Variants in TTC7B observed in about 807,000 individuals in gnomAD.
The protein encoded by TTC7B is tetratricopeptide repeat domain 7B, also known as tetratricopeptide repeat protein 7B.
A neutral mutation model predicts 106.8 loss-of-function variants in TTC7B; 28 were observed. That is an observed-to-expected ratio of 0.26 (90% CI 0.19 to 0.36). The LOEUF (loss-of-function observed/expected upper bound fraction) is 0.36, where lower values mean the gene tolerates loss of function less well. TTC7B is among the 10% of genes least tolerant of loss of function. The probability of loss-of-function intolerance (pLI) is 1.00; values close to 1 mark genes in which losing one functional copy is unlikely to be tolerated. For missense variants in TTC7B, 862 were observed against 1,076.4 expected, an observed-to-expected ratio of 0.80 and a Z score of 2.79; for synonymous variants, 405 against 430.6, an observed-to-expected ratio of 0.94 and a Z score of 0.74.
chr14:90,621,212 A>G (rs1299216453), intron 15 of TTC7B, among the ~76,000 whole-genome samples: 2 of 151,790 alleles, frequency 1.3e-5, no homozygotes, highest in Non-Finnish European at 2.9e-5. Context: ...TATGGCTGGG[A>G]CGATGGGCAG....
chr14:90,621,494 G>A (rs1198229015), intron 15 of TTC7B, among the ~76,000 whole-genome samples: 1 of 151,966 alleles, frequency 6.6e-6, no homozygotes, highest in Non-Finnish European at 1.5e-5. Context: ...TGGAATTATA[G>A]GCAGAAGCCA....
chr14:90,651,853 T>A (rs1885732344), intron 13 of TTC7B, among the ~76,000 whole-genome samples: 1 of 152,084 alleles, frequency 6.6e-6, no homozygotes. Flanking sequence ...CCATGATAAA[T>A]CAGTAGGCAG....
intron 3 of TTC7B, among the ~76,000 whole-genome samples, chr14:90,753,438 G>C (rs1890194231): frequency 6.6e-6 from 1 of 152,226 alleles, no homozygotes; most frequent in African/African-American, 2.4e-5. Flanking sequence ...AGATTCAAGA[G>C]ACACAAAGCA....
chr14:90,762,386 T>C (rs537663561), intron 3 of TTC7B, among the ~76,000 whole-genome samples: 2 of 152,334 alleles, frequency 1.3e-5, no homozygotes, highest in East Asian at 1.9e-4. Flanking sequence ...CCCACTGAAA[T>C]ACAGAACAGA....
Position 90,663,469 on chromosome 14 carries a change from T to C in TTC7B, c.1153-5082A>G, listed in dbSNP as rs1316137897. 6.6e-6 allele frequency among the ~76,000 whole-genome samples: 1 copy of C among 151,952 alleles called. No homozygotes were observed. The highest frequency in any genetic ancestry group is 1.5e-5 in the Non-Finnish European group (1 of 67,978). ...GATATGGTTTTTTTTTTGCTGCTAA[T>C]GGGGACCCTTGCTTGAGGCTACTAA... is the stretch of plus-strand genomic sequence containing the variant. On this transcript the variant is annotated intron_variant, in intron 9 of 19. Coordinates refer to ENST00000328459, the MANE Select transcript of TTC7B (RefSeq NM_001010854.2). The surrounding 1 kb of genome is among the most constrained non-coding windows in gnomAD (Gnocchi z 4.5).
chr14:90,784,274 G>A lies in TTC7B; in HGVS notation c.276+1900C>T, dbSNP rs1891308327. Among the ~76,000 whole-genome samples, 5 of 152,128 alleles carry A rather than the reference G, an allele frequency of 3.3e-5. No individual in the cohort carries two copies. In the South Asian group the frequency reaches 1.0e-3, roughly 31 times the overall value. On this transcript the variant is annotated intron_variant, in intron 2 of 19. Transcript: ENST00000328459. ...GTCATCGGTTAAGAACATATGAGAT[G>A]AGGCCGGGAGCGGTGGCTCACGCCT...
intron 19 of TTC7B, among the ~76,000 whole-genome samples, chr14:90,569,075 C>T (rs1350243557): frequency 1.3e-5 from 2 of 152,204 alleles, no homozygotes; most frequent in Non-Finnish European, 2.9e-5. Flanking sequence ...ATTGCCATCG[C>T]TATCACCTGC....
intron 19 of TTC7B, among the ~76,000 whole-genome samples, chr14:90,558,358 G>C (rs539824966): frequency 6.6e-6 from 1 of 152,372 alleles, no homozygotes; most frequent in African/African-American, 2.4e-5. Flanking sequence ...ACAGGGGGCT[G>C]AGAGGATGGG....
rs12436357 is a variant in TTC7B, at chr14:90,564,867, C to T, written c.2310+13239G>A. ...TCAAGGCTGCAGTGAGCTATGACTG[C>T]GCTGCTGCACTCCAGCTTGGGAGGC... On this transcript the variant is annotated intron_variant, in intron 19 of 19. Coordinates refer to ENST00000328459, the MANE Select transcript of TTC7B (RefSeq NM_001010854.2). 4.8e-3 allele frequency among the ~76,000 whole-genome samples: 732 copies of T among 152,246 alleles called. 5 individuals are homozygous for T. The highest frequency in any genetic ancestry group is 6.8e-3 in the Middle Eastern group (2 of 294).
At chr14:90,700,677 C>T (rs1397497319) in intron 5 of TTC7B, among the ~76,000 whole-genome samples, 2 of 142,784 alleles carry the variant, frequency 1.4e-5, no homozygotes, top group African/African-American at 2.6e-5. Context: ...ATACGTATAC[C>T]CTTATGGTAT....
intron 19 of TTC7B, among the ~76,000 whole-genome samples, chr14:90,547,962 T>C (rs1889908194): frequency 1.3e-5 from 2 of 152,176 alleles, no homozygotes; most frequent in African/African-American, 4.8e-5. Context: ...AAGCCATTGC[T>C]GAAAAGAAGT....
At chr14:90,739,466 C>T (rs927497096) in intron 4 of TTC7B, among the ~76,000 whole-genome samples, 1 of 152,210 alleles carries the variant, frequency 6.6e-6, no homozygotes, top group African/African-American at 2.4e-5. Context: ...TGCATCTAAT[C>T]CAGTTTGGAA....
At chr14:90,548,400 C>T (rs1889928093) in intron 19 of TTC7B, among the ~76,000 whole-genome samples, 1 of 152,192 alleles carries the variant, frequency 6.6e-6, no homozygotes, top group Non-Finnish European at 1.5e-5. Context: ...TGTCAGGTGG[C>T]CTCTCCAAAA....
chr14:90,791,367 G>A (rs1390692264), intron 1 of TTC7B, among the ~76,000 whole-genome samples: 1 of 152,148 alleles, frequency 6.6e-6, no homozygotes, highest in Non-Finnish European at 1.5e-5. Flanking sequence ...CAGAGTCCAT[G>A]CTCAATAAAT....
intron 15 of TTC7B, among the ~76,000 whole-genome samples, chr14:90,627,652 T>A (rs778368078): frequency 6.6e-6 from 1 of 152,200 alleles, no homozygotes; most frequent in East Asian, 1.9e-4. Flanking sequence ...CTCTTCTTTA[T>A]GACAGGCAGG....
At chr14:90,639,419 C>A (rs969899400) in intron 15 of TTC7B, among the ~76,000 whole-genome samples, 2 of 152,054 alleles carry the variant, frequency 1.3e-5, no homozygotes, top group Non-Finnish European at 2.9e-5. Flanking sequence ...AGGTGAATGA[C>A]CAATAGACAA....
intron 9 of TTC7B, among the ~76,000 whole-genome samples, chr14:90,667,571 G>C (rs1886461555): frequency 6.6e-6 from 1 of 152,132 alleles, no homozygotes; most frequent in African/African-American, 2.4e-5. Context: ...TACAAAAGTT[G>C]TACTCATTAT....
At chr14:90,680,268 G>A (rs1886999153) in intron 8 of TTC7B, among the ~76,000 whole-genome samples, 1 of 152,152 alleles carries the variant, frequency 6.6e-6, no homozygotes, top group African/African-American at 2.4e-5. Flanking sequence ...CAAGCTCCAG[G>A]CTAACCAAGG....
chr14:90,725,545 T>C (rs1889066667), intron 5 of TTC7B, among the ~76,000 whole-genome samples: 1 of 152,258 alleles, frequency 6.6e-6, no homozygotes, highest in Non-Finnish European at 1.5e-5. Flanking sequence ...GTGGTCTATT[T>C]GTTTGATTAT....
Sources: allele counts gnomAD v4.1 joint callset (sites outside exome capture counted in the v4.1 genomes callset), GRCh38; gene constraint gnomAD v4.1.1; non-coding constraint Gnocchi (gnomAD v3.1); transcripts MANE v1.5; gene names NCBI Gene and HGNC (gene_info 2026-07-23, HGNC 2026-07-21).